The following DAPK2 variants were observed in gnomAD, a reference collection of about 807,000 sequenced individuals.
DAPK2 encodes the protein death-associated protein kinase 2.
Under a neutral mutation model 44.1 loss-of-function variants are expected in DAPK2, and 35 were observed. That is an observed-to-expected ratio of 0.79 (90% CI 0.61 to 1.05). The LOEUF is 1.05. Ranked by LOEUF, DAPK2 falls within the 50% of genes least tolerant of loss-of-function variation. The pLI is 0.00. For synonymous variants in DAPK2, 174 were observed against 182.6 expected (o/e 0.95, Z 0.38); for missense variants, 453 against 483.2 (o/e 0.94, Z 0.59).
intron 5 of DAPK2, chr15:63,929,786 C>T (rs762682086): frequency 8.2e-5 from 56 of 685,384 alleles, no homozygotes; most frequent in African/African-American, 1.9e-4. Context: ...ACCCTGAGTC[C>T]GAAGACCCAA....
chr15:63,963,420 G>A (rs1329358956), intron 3 of DAPK2, among the ~76,000 whole-genome samples: 3 of 152,198 alleles, frequency 2.0e-5, no homozygotes, highest in African/African-American at 7.2e-5. Context: ...CGTCGCTCAC[G>A]CTGGGAGCTA....
intron 1 of DAPK2, among the ~76,000 whole-genome samples, chr15:64,028,074 T>G (rs1184212944): frequency 1.7e-5 from 2 of 118,332 alleles, no homozygotes; most frequent in Admixed American, 8.3e-5. Context: ...ATTTATATTT[T>G]TTGAGATGGA....
rs59762478 is a variant in DAPK2 at position 64,036,336 on chromosome 15, T to C, written c.92+3834A>G. ...ATATATATGTATATATATATATATA[T>C]ACATATATATATATATATTTTAGTT... On this transcript the variant is annotated intron_variant, in intron 1 of 10. Transcript: ENST00000261891. Among the ~76,000 whole-genome samples the C allele has an allele frequency of 1.6e-4, 18 of 115,092 alleles. 1 individual carries two copies. The highest frequency in any genetic ancestry group is 4.4e-4 in the African/African-American group (15 of 34,252). 75.5% of individuals were successfully genotyped at this position (115,092 alleles called of 152,430 possible). A position where few individuals can be genotyped will look rare whatever the true frequency, so the allele number is the denominator to read the frequency against.
At chr15:63,911,916 C>T (rs749111392) in exon 10 of DAPK2, 1 of 1,613,594 alleles carries the variant, frequency 6.2e-7, no homozygotes, top group Non-Finnish European at 8.5e-7. Context: ...ACCAGGTCCT[C>T]ATCCGGCCTC....
chr15:63,953,633 A>G (rs1390092443), intron 3 of DAPK2, among the ~76,000 whole-genome samples: 1 of 152,234 alleles, frequency 6.6e-6, no homozygotes, highest in Non-Finnish European at 1.5e-5. Flanking sequence ...GTGGGTATAT[A>G]TCTAGCAGTG....
At chr15:63,950,020 C>T (rs1041706185) in intron 3 of DAPK2, among the ~76,000 whole-genome samples, 1 of 152,170 alleles carries the variant, frequency 6.6e-6, no homozygotes, top group Non-Finnish European at 1.5e-5. Context: ...TGGTCTGGAC[C>T]TGAACCTTTA....
rs529873443 is a variant in DAPK2, at chr15:64,039,096, A to C, written c.92+1074T>G. On this transcript the variant is annotated intron_variant, in intron 1 of 10. Transcript: ENST00000261891. Reference sequence around the variant, plus strand: ...TCTTGCATATTTGATTGATGTCTCCAGTCTCCAACCAAACTGTGCTGTGAC... The same window carrying C: ...TCTTGCATATTTGATTGATGTCTCCCGTCTCCAACCAAACTGTGCTGTGAC... Among the ~76,000 whole-genome samples the C allele has an allele frequency of 8.5e-5, 13 of 152,334 alleles. No individual in the cohort carries two copies. In the East Asian group the frequency reaches 2.3e-3, roughly 27 times the overall value.
rs2078825410 is a variant in DAPK2 at position 63,912,529 on chromosome 15, T to C, written c.859-332A>G. On this transcript the variant is annotated intron_variant, in intron 8 of 10. Transcript: ENST00000261891. This position sits in a 1 kb window ranked among gnomAD's most constrained non-coding sequence, Gnocchi z 4.4. ...GGGAGAGGGTCATTTTACAGCAGTC[T>C]GGGATGCCCTCTGGGCACTGGGGTG... Among the ~76,000 whole-genome samples, 1 of 152,214 alleles carries C rather than the reference T, an allele frequency of 6.6e-6. No homozygotes were observed. The highest frequency in any genetic ancestry group is 2.4e-5 in the African/African-American group (1 of 41,450).
intron 1 of DAPK2, among the ~76,000 whole-genome samples, chr15:64,004,771 G>T (rs16947670): frequency 6.6e-6 from 1 of 152,046 alleles, no homozygotes; most frequent in African/African-American, 2.4e-5. Context: ...GTGCAGCACC[G>T]CTCCTGAGTC....
chr15:63,969,799 C>G (rs1268453711), intron 3 of DAPK2, among the ~76,000 whole-genome samples: 1 of 151,566 alleles, frequency 6.6e-6, no homozygotes, highest in African/African-American at 2.4e-5. Context: ...TAAGGGGACT[C>G]ATAGAAGGTC....
chr15:63,945,452 CT>C (rs2077424238), intron 3 of DAPK2, among the ~76,000 whole-genome samples: 1 of 152,200 alleles, frequency 6.6e-6, no homozygotes, highest in Non-Finnish European at 1.5e-5. Context: ...CGCACCACCA[CT>C]AGGGGCTCCA....
chr15:64,008,212 G>C (rs200306334), intron 1 of DAPK2, among the ~76,000 whole-genome samples: 93 of 118,544 alleles, frequency 7.8e-4, no homozygotes, highest in African/African-American at 3.2e-3. Flanking sequence ...AATTATATCT[G>C]TTTTTTTAAA....
At chr15:64,002,971 GACC>G (rs1567266600) in intron 1 of DAPK2, among the ~76,000 whole-genome samples, 829 of 34,842 alleles carry the variant, frequency 0.024, 12 homozygotes, top group East Asian at 0.22. Context: ...TGTGTCGTGG[GACC>G]TGTGTGTGTG....
chr15:64,025,417 T>G (rs1274000525), intron 1 of DAPK2, among the ~76,000 whole-genome samples: 2 of 152,152 alleles, frequency 1.3e-5, no homozygotes, highest in Non-Finnish European at 2.9e-5. Flanking sequence ...AGGGCAGGAT[T>G]GACCTAGGTG....
chr15:63,981,876 A>T (rs1252832240), intron 2 of DAPK2, among the ~76,000 whole-genome samples: 2 of 152,178 alleles, frequency 1.3e-5, no homozygotes, highest in Non-Finnish European at 2.9e-5. Flanking sequence ...AGCACAGGCA[A>T]TTCTATACAT....
intron 2 of DAPK2, among the ~76,000 whole-genome samples, chr15:63,972,970 C>A (rs979568784): frequency 1.3e-5 from 2 of 152,170 alleles, no homozygotes; most frequent in Admixed American, 6.5e-5. Flanking sequence ...GACCTATTGT[C>A]CAAGACAATG....
rs117106277 is a variant in DAPK2, at chr15:63,940,437, G to A, written c.454-1076C>T. 7.4e-4 allele frequency among the ~76,000 whole-genome samples: 113 copies of A among 152,228 alleles called. No homozygotes were observed. In the East Asian group the frequency reaches 0.02, roughly 27 times the overall value. ...AAAAAGGAATGAAGTACTGCTGGGC[G>A]CGGTGGCTCATGCCTGTAATCCCAG... On this transcript the variant is annotated intron_variant, in intron 3 of 10. Coordinates refer to ENST00000261891, the Ensembl canonical transcript of DAPK2.
intron 3 of DAPK2, among the ~76,000 whole-genome samples, chr15:63,969,274 G>C (rs2078141408): frequency 6.6e-6 from 1 of 151,866 alleles, no homozygotes; most frequent in Non-Finnish European, 1.5e-5. Context: ...ACAAAAATTA[G>C]CTGGCCATGG....
rs972472886 is a variant in DAPK2, at chr15:63,911,718, C to T, written c.1032+190G>A. Reference sequence around the variant, plus strand: ...TCAGTGGTCCCCTCCCGGCACCACCCAGAGGTCCCCAGAACACACTCCTCT... The same window carrying T: ...TCAGTGGTCCCCTCCCGGCACCACCTAGAGGTCCCCAGAACACACTCCTCT... On this transcript the variant is annotated intron_variant, in intron 10 of 10. Coordinates refer to ENST00000261891, the Ensembl canonical transcript of DAPK2. 3 of 628,906 alleles carry T rather than the reference C, an allele frequency of 4.8e-6. No homozygotes were observed. The Admixed American group carries it at 8.2e-5, about 17-fold the overall frequency. 39.0% of individuals were successfully genotyped at this position (628,906 alleles called of 1,614,324 possible). A position where few individuals can be genotyped will look rare whatever the true frequency, so the allele number is the denominator to read the frequency against.
Sources: allele counts gnomAD v4.1 joint callset (sites outside exome capture counted in the v4.1 genomes callset), GRCh38; gene constraint gnomAD v4.1.1; non-coding constraint Gnocchi (gnomAD v3.1); transcripts MANE v1.5; gene names NCBI Gene and HGNC (gene_info 2026-07-23, HGNC 2026-07-21).